The following AFF2 variants were observed in gnomAD, a reference collection of about 807,000 sequenced individuals.
AFF2 encodes the protein AF4/FMR2 family member 2.
Under a neutral mutation model 76.9 loss-of-function variants are expected in AFF2, and 14 were observed. That is an observed-to-expected ratio of 0.18 (90% CI 0.12 to 0.28). The LOEUF is 0.28. Ranked by LOEUF, AFF2 falls within the 10% of genes least tolerant of loss-of-function variation. The pLI, the probability that AFF2 is intolerant of heterozygous loss-of-function variation, is 1.00. For synonymous variants in AFF2, 398 were observed against 366.7 expected (o/e 1.09, Z -0.98); for missense variants, 868 against 1,001.1 (o/e 0.87, Z 1.79).
intron 3 of AFF2, among the ~76,000 whole-genome samples, chrX:148,761,465 TTG>T (rs1395383661): frequency 0.014 from 1,284 of 89,262 alleles, 17 homozygotes; most frequent in African/African-American, 0.065. Flanking sequence ...CCAGTTTTTT[TTG>T]TTTTTTTTTT....
chrX:148,903,938 G>A (rs1557281164), intron 8 of AFF2, among the ~76,000 whole-genome samples: 1 of 111,349 alleles, frequency 9.0e-6, no homozygotes, highest in Non-Finnish European at 1.9e-5. Flanking sequence ...TATGCACCCA[G>A]AAGTCCACTT....
intron 9 of AFF2, among the ~76,000 whole-genome samples, chrX:148,949,244 G>A (rs946449880): frequency 8.9e-6 from 1 of 111,781 alleles, no homozygotes; most frequent in Non-Finnish European, 1.9e-5. Flanking sequence ...TATTGCAGAA[G>A]AGTCTGGGTG....
Position 148,819,859 on chromosome X carries a change from C to T in AFF2, c.1086+9939C>T, listed in dbSNP as rs933376729. Among the ~76,000 whole-genome samples, 44 of 111,273 alleles carry T rather than the reference C, an allele frequency of 4.0e-4. 1 individual carries two copies. The highest frequency in any genetic ancestry group is 1.1e-4 in the Non-Finnish European group (6 of 52,902). On this transcript the variant is annotated intron_variant, in intron 4 of 20. Coordinates refer to ENST00000370460, the MANE Select transcript of AFF2 (RefSeq NM_002025.4). ...TTGAGATTTACATTATGTTCCAGCA[C>T]GATTTATTGAAAAGATTGTATTTAA...
At chrX:148,805,219 A>C (rs2070113444) in intron 3 of AFF2, among the ~76,000 whole-genome samples, 1 of 111,548 alleles carries the variant, frequency 9.0e-6, no homozygotes, top group African/African-American at 3.3e-5. Context: ...ATATTGGTTA[A>C]CTGGGCCCAG....
chrX:148,831,986 A>C (rs781875362), intron 4 of AFF2, among the ~76,000 whole-genome samples: 1 of 112,635 alleles, frequency 8.9e-6, no homozygotes, highest in African/African-American at 3.2e-5. Flanking sequence ...CAGATTCAGC[A>C]GTCTAATAAC....
rs1419145838 is a variant in AFF2 at position 148,745,479 on chromosome X, CTTAAT to C, written c.1042-64391_1042-64387del. On this transcript the variant is annotated intron_variant, in intron 3 of 20. Transcript: ENST00000370460. ...TTTTTGCAAAACAATATTTTGATGA[CTTAAT>C]TTAATATAGGTCAGCAACATATGGA... is the stretch of plus-strand genomic sequence containing the variant. Among the ~76,000 whole-genome samples, 4 of 111,949 alleles carry C rather than the reference CTTAAT, an allele frequency of 3.6e-5. No individual in the cohort carries two copies. The East Asian group carries it at 1.1e-3, about 31-fold the overall frequency.
At chrX:148,684,755 G>T (rs2054584228) in intron 3 of AFF2, among the ~76,000 whole-genome samples, 1 of 112,425 alleles carries the variant, frequency 8.9e-6, no homozygotes, top group African/African-American at 3.2e-5. Flanking sequence ...ATTGAGAAGT[G>T]CAATTGTAAT....
intron 9 of AFF2, among the ~76,000 whole-genome samples, chrX:148,923,368 G>T (rs1340706657): frequency 2.7e-5 from 3 of 111,641 alleles, no homozygotes; most frequent in African/African-American, 9.8e-5. Flanking sequence ...AAAATGATTT[G>T]CTTTTGAACC....
chrX:148,530,615 T>C (rs1344640956), intron 1 of AFF2, among the ~76,000 whole-genome samples: 1 of 109,893 alleles, frequency 9.1e-6, no homozygotes, highest in African/African-American at 3.3e-5. Context: ...TTGCTTGCAA[T>C]GTCTTATATA....
chrX:148,515,985 G>A (rs1444561674), intron 1 of AFF2, among the ~76,000 whole-genome samples: 1 of 111,659 alleles, frequency 9.0e-6, no homozygotes, highest in Non-Finnish European at 1.9e-5. Flanking sequence ...TTTTTGGATA[G>A]GTCAGAACAA....
intron 3 of AFF2, among the ~76,000 whole-genome samples, chrX:148,720,710 G>A (rs1451366285): frequency 1.8e-5 from 2 of 111,623 alleles, no homozygotes; most frequent in Non-Finnish European, 3.8e-5. Flanking sequence ...ATGCTATTCT[G>A]ACTCCTACAT....
At chrX:148,929,439 C>T (rs1271646394) in intron 9 of AFF2, among the ~76,000 whole-genome samples, 3 of 112,172 alleles carry the variant, frequency 2.7e-5, no homozygotes, top group Non-Finnish European at 5.6e-5. Context: ...ATTAGGAAAC[C>T]TGACATCTCA....
At chrX:148,765,690 T>G (rs2069504818) in intron 3 of AFF2, among the ~76,000 whole-genome samples, 1 of 110,189 alleles carries the variant, frequency 9.1e-6, no homozygotes, top group South Asian at 3.8e-4. Flanking sequence ...ATTTATTTAT[T>G]TATTTATTTT....
intron 1 of AFF2, among the ~76,000 whole-genome samples, chrX:148,622,340 G>A (rs1353511752): frequency 8.9e-6 from 1 of 111,835 alleles, no homozygotes; most frequent in Non-Finnish European, 1.9e-5. Flanking sequence ...AGTCTGTAGG[G>A]AAGCCAAGAG....
intron 7 of AFF2, among the ~76,000 whole-genome samples, chrX:148,862,350 TC>T (rs1178642921): frequency 2.1e-4 from 23 of 110,789 alleles, no homozygotes; most frequent in African/African-American, 6.2e-4. Flanking sequence ...TGGGCTGCCT[TC>T]CCCTGCCCTC....
intron 10 of AFF2, among the ~76,000 whole-genome samples, 165 bp from the exon 11 acceptor site, chrX:148,955,438 G>A (rs1431353891): frequency 8.9e-6 from 1 of 112,279 alleles, no homozygotes; most frequent in Non-Finnish European, 1.9e-5. Flanking sequence ...TGAATATTAT[G>A]GATAGTGGGT....
chrX:148,939,983 T>A (rs781905731), intron 9 of AFF2, among the ~76,000 whole-genome samples: 1 of 112,170 alleles, frequency 8.9e-6, no homozygotes, highest in South Asian at 3.7e-4. Flanking sequence ...AAGGGAACAT[T>A]TTGGCATATA....
intron 7 of AFF2, among the ~76,000 whole-genome samples, chrX:148,868,454 G>A (rs2070934505): frequency 8.9e-6 from 1 of 111,822 alleles, no homozygotes; most frequent in East Asian, 2.8e-4. Context: ...AAATAGGTAG[G>A]GATAGAGAAG....
intron 9 of AFF2, among the ~76,000 whole-genome samples, chrX:148,938,056 AATTT>A (rs1468024694): frequency 2.7e-5 from 3 of 112,126 alleles, no homozygotes; most frequent in African/African-American, 9.7e-5. Context: ...TAACATGAGG[AATTT>A]ATTTATAGTA....
Sources: gnomAD v4.1 joint callset for allele counts (sites outside exome capture counted in the v4.1 genomes callset) on GRCh38, gnomAD v4.1.1 for gene constraint, MANE v1.5 for transcripts, NCBI Gene and HGNC (gene_info 2026-07-23, HGNC 2026-07-21) for gene names.